The following SLC25A48 variants were observed in gnomAD, a reference collection of about 807,000 sequenced individuals.
SLC25A48 encodes the protein CTC-321K16.1.
In SLC25A48, 29 loss-of-function variants were observed where a neutral mutation model predicts 32.2. The ratio of observed to expected loss-of-function variants is 0.90; its 90% confidence interval spans 0.67 to 1.23. The LOEUF is 1.23. Ranked by LOEUF, SLC25A48 falls within the 50% of genes most tolerant of loss-of-function variation. SLC25A48 has a pLI of 0.00. For missense variants in SLC25A48, 399 were observed against 422.7 expected, an observed-to-expected ratio of 0.94 and a Z score of 0.49; for synonymous variants, 164 against 172.3, an observed-to-expected ratio of 0.95 and a Z score of 0.38.
In SLC25A48 at chr5:135,713,533, T is replaced by C. The variant is rs149432314; in HGVS notation, c.-521+78577T>C. Among the ~76,000 whole-genome samples, 353 of 152,318 alleles carry C rather than the reference T, an allele frequency of 2.3e-3. 2 individuals carry two copies. Among genetic ancestry groups the C allele is most frequent in the African/African-American group, 8.3e-3 (343 of 41,570 alleles). The stretch of plus-strand genomic sequence containing the variant: ...AAGAGACAGGACACGGGACATTATG[T>C]ATTTTGCAAGTGAAGAAACTAAGGC... On this transcript the variant is annotated intron_variant, in intron 3 of 10. Coordinates refer to the SLC25A48 transcript ENST00000646290.
At chr5:135,630,516 T>C (rs1752531807) in intron 2 of SLC25A48, among the ~76,000 whole-genome samples, 1 of 150,628 alleles carries the variant, frequency 6.6e-6, no homozygotes, top group Non-Finnish European at 1.5e-5. Flanking sequence ...AAACTAAACA[T>C]TCCTCTTTCT....
At chr5:135,755,419 T>C (rs550362438) in intron 3 of SLC25A48, among the ~76,000 whole-genome samples, 1 of 152,180 alleles carries the variant, frequency 6.6e-6, no homozygotes, top group African/African-American at 2.4e-5. Context: ...ATCACTGTGA[T>C]ATTTATCATA....
chr5:135,640,503 CCG>C (rs1348702169), intron 3 of SLC25A48, among the ~76,000 whole-genome samples: 1 of 152,152 alleles, frequency 6.6e-6, no homozygotes, highest in Non-Finnish European at 1.5e-5. Context: ...ATAAAACCTT[CCG>C]CATGATACAA....
chr5:135,639,388 A>G (rs1752781969), intron 3 of SLC25A48, among the ~76,000 whole-genome samples: 1 of 152,222 alleles, frequency 6.6e-6, no homozygotes, highest in Admixed American at 6.5e-5. Flanking sequence ...AATATAGCAA[A>G]TCAAAATTGA....
At chr5:135,684,450 T>G (rs1418802596) in intron 3 of SLC25A48, among the ~76,000 whole-genome samples, 1 of 152,110 alleles carries the variant, frequency 6.6e-6, no homozygotes, top group Non-Finnish European at 1.5e-5. Context: ...GGATTGAGCA[T>G]AGGGAGGGAG....
chr5:135,811,726 G>A (rs961881115), intron 3 of SLC25A48, among the ~76,000 whole-genome samples: 2 of 152,150 alleles, frequency 1.3e-5, no homozygotes, highest in African/African-American at 4.8e-5. Context: ...CAGGAAAAAT[G>A]CAATAAAAGA....
chr5:135,613,887 T>A (rs555871820), intron 1 of SLC25A48, among the ~76,000 whole-genome samples: 1 of 152,350 alleles, frequency 6.6e-6, no homozygotes, highest in Non-Finnish European at 1.5e-5. Context: ...TGCCTCCAGA[T>A]TTGTTTCTTT....
intron 3 of SLC25A48, among the ~76,000 whole-genome samples, chr5:135,744,526 C>A (rs557537133): frequency 7.1e-6 from 1 of 140,728 alleles, no homozygotes; most frequent in East Asian, 2.3e-4. Flanking sequence ...TTAGTAGAGA[C>A]AGGTTTCACC....
chr5:135,763,764 T>TACACACACACACACACAC (rs56030521), intron 3 of SLC25A48, among the ~76,000 whole-genome samples: 55 of 125,726 alleles, frequency 4.4e-4, no homozygotes, highest in African/African-American at 1.4e-3. Context: ...AACACACACA[T>TACACACACACACACACAC]ACACACACAC....
At chr5:135,772,435 A>G (rs117915778) in intron 3 of SLC25A48, among the ~76,000 whole-genome samples, 1 of 151,736 alleles carries the variant, frequency 6.6e-6, no homozygotes, top group East Asian at 1.9e-4. Flanking sequence ...TACTCCCTAT[A>G]TCGTTGTGGG....
intron 4 of SLC25A48, among the ~76,000 whole-genome samples, chr5:135,827,891 C>G (rs1017658917): frequency 1.2e-4 from 18 of 152,132 alleles, no homozygotes; most frequent in Admixed American, 1.2e-3. Context: ...CTCACTGCCC[C>G]CAAAGGAACA....
intron 3 of SLC25A48, among the ~76,000 whole-genome samples, chr5:135,665,086 A>G (rs539726623): frequency 6.6e-6 from 1 of 152,212 alleles, no homozygotes; most frequent in Non-Finnish European, 1.5e-5. Context: ...GCCAACATCT[A>G]TTGTTTCTTG....
intron 4 of SLC25A48, among the ~76,000 whole-genome samples, chr5:135,822,406 G>A (rs537489710): frequency 2.0e-5 from 3 of 152,232 alleles, no homozygotes; most frequent in South Asian, 2.1e-4. Context: ...TCAAGGTGTC[G>A]GCAGAGTTGT....
intron 3 of SLC25A48, among the ~76,000 whole-genome samples, chr5:135,766,850 T>C (rs948713000): frequency 4.6e-5 from 7 of 151,524 alleles, no homozygotes; most frequent in African/African-American, 1.7e-4. Flanking sequence ...TATTTTGTAA[T>C]ATCCAAGGAA....
At chr5:135,701,497 A>G (rs1305259900) in intron 3 of SLC25A48, among the ~76,000 whole-genome samples, 4 of 151,952 alleles carry the variant, frequency 2.6e-5, no homozygotes, top group Non-Finnish European at 5.9e-5. Context: ...CACCACATAT[A>G]CACCCTGAAC....
chr5:135,726,671 C>A (rs1373389336), intron 3 of SLC25A48, among the ~76,000 whole-genome samples: 3 of 152,218 alleles, frequency 2.0e-5, no homozygotes, highest in Non-Finnish European at 2.9e-5. Flanking sequence ...TGCTGAGTAG[C>A]ACTCCATGGT....
intron 3 of SLC25A48, among the ~76,000 whole-genome samples, chr5:135,785,295 C>T (rs1424195858): frequency 6.6e-6 from 1 of 151,954 alleles, no homozygotes; most frequent in African/African-American, 2.4e-5. Context: ...TGGAACACCT[C>T]CCTTGCTCCA....
intron 7 of SLC25A48, among the ~76,000 whole-genome samples, chr5:135,882,768 G>A (rs1223172511): frequency 6.6e-6 from 1 of 152,146 alleles, no homozygotes; most frequent in Non-Finnish European, 1.5e-5. Flanking sequence ...AGCCCCCAGA[G>A]CTCCCTGGAA....
At chr5:135,766,732 C>T (rs1756241980) in intron 3 of SLC25A48, among the ~76,000 whole-genome samples, 1 of 151,274 alleles carries the variant, frequency 6.6e-6, no homozygotes, top group African/African-American at 2.4e-5. Flanking sequence ...TATTACTCCT[C>T]ATATCCCCAG....
Sources: allele counts gnomAD v4.1 joint callset (sites outside exome capture counted in the v4.1 genomes callset), GRCh38; gene constraint gnomAD v4.1.1; transcripts MANE v1.5; gene names NCBI Gene and HGNC (gene_info 2026-07-23, HGNC 2026-07-21).